The following NYNRIN variants were observed in gnomAD, a reference collection of about 807,000 sequenced individuals.
The protein encoded by NYNRIN is NYN domain and retroviral integrase containing, also known as protein NYNRIN.
In NYNRIN, 86 loss-of-function variants were observed where a neutral mutation model predicts 146.6. The observed-to-expected ratio is 0.59, with a 90% CI of 0.49 to 0.70. The LOEUF (loss-of-function observed/expected upper bound fraction) is 0.70, where lower values mean the gene tolerates loss of function less well. Among genes scored for constraint, NYNRIN ranks in the 30% least tolerant of loss-of-function variants. The probability of loss-of-function intolerance (pLI) is 0.00; values close to 1 mark genes in which losing one functional copy is unlikely to be tolerated. For synonymous variants in NYNRIN, 1,027 were observed against 1,001.3 expected (o/e 1.03, Z -0.48); for missense variants, 2,191 against 2,377.7 (o/e 0.92, Z 1.63).
chr14:24,416,981 G>T lies in NYNRIN; in HGVS notation c.5232G>T (p.Leu1744=). 6.3e-7 allele frequency: 1 copy of T among 1,584,728 alleles called. No individual in the cohort carries two copies. The highest frequency in any genetic ancestry group is 8.6e-7 in the Non-Finnish European group (1 of 1,163,868). Residue 1744 remains leucine (L), a synonymous_variant, in exon 9 of 9, where the codon CTG becomes CTT. Coordinates refer to ENST00000382554, the MANE Select transcript of NYNRIN (RefSeq NM_025081.3). ...GKKWAASLPL[L]HLAFRASSTD... is the part of the protein sequence containing the mutation. ...AGTGGGCGGCCTCCCTGCCTTTGCT[G>T]CACCTGGCCTTCAGGGCCTCCTCCA...
chr14:24,416,535 G>C lies in NYNRIN; in HGVS notation c.4786G>C (p.Gly1596Arg). ...GTTCTGCATCCCCCGAAATCTCATAGGCAGCGAGTTGAAGGTTATTGAGTC... is the reference window on the plus strand; with the variant it reads ...GTTCTGCATCCCCCGAAATCTCATACGCAGCGAGTTGAAGGTTATTGAGTC... ...CLFCIPRNLIGSELKVIESPW... is the reference protein window; with the variant it reads ...CLFCIPRNLIRSELKVIESPW... Residue 1596 changes from glycine (G) to arginine (R), a missense_variant, in exon 9 of 9, where the codon GGC (glycine) becomes CGC (arginine). Gly to Arg is a moderately radical substitution (Grantham distance 125, BLOSUM62 -2). Transcript: ENST00000382554. The C allele has an allele frequency of 6.2e-7, 1 of 1,613,956 alleles. No individual in the cohort carries two copies. The highest frequency in any genetic ancestry group is 8.5e-7 in the Non-Finnish European group (1 of 1,179,892).
In NYNRIN at chr14:24,413,391, G is replaced by C; in HGVS notation, c.2820G>C (p.Leu940Phe). The C allele has an allele frequency of 6.2e-7, 1 of 1,612,800 alleles. No individual in the cohort carries two copies. The highest frequency in any genetic ancestry group is 8.5e-7 in the Non-Finnish European group (1 of 1,179,382). ...CCCTGGGCCGTGATGGCCCCACCTT[G>C]GATGAGTTTCTGAAGAAGCCAAACA... ...DDPLGRDGPTLDEFLKKPNRL... is the reference protein window; with the variant it reads ...DDPLGRDGPTFDEFLKKPNRL... The change falls in exon 8 of 9, where the codon TTG becomes TTC. Residue 940 changes from leucine (L) to phenylalanine (F), a missense_variant. By Grantham distance (22) the Leu-to-Phe change is conservative (BLOSUM62 0). Coordinates refer to ENST00000382554, the MANE Select transcript of NYNRIN (RefSeq NM_025081.3).
Position 24,415,401 on chromosome 14 carries a change from C to T in NYNRIN, c.3652C>T (p.His1218Tyr), listed in dbSNP as rs1047918223. 6.2e-7 allele frequency: 1 copy of T among 1,614,004 alleles called. No individual in the cohort carries two copies. The highest frequency in any genetic ancestry group is 8.5e-7 in the Non-Finnish European group (1 of 1,179,882). Residue 1218 changes from histidine (H) to tyrosine (Y), a missense_variant, in exon 9 of 9, where the codon CAT (histidine) becomes TAT (tyrosine). Physicochemically the swap from His to Tyr is moderately conservative, Grantham distance 83 (BLOSUM62 2). This residue lies in a region of NYNRIN where 1,291 missense variants were observed against 1,417.0 expected (regional missense o/e 0.91). Coordinates refer to ENST00000382554, the MANE Select transcript of NYNRIN (RefSeq NM_025081.3). ...SPYAVAWALK[H>Y]FSRCIGDTPV... is the part of the protein sequence containing the mutation. ...CTATGCTGTGGCCTGGGCCCTCAAGCATTTTTCCCGCTGCATTGGAGACAC... is the reference window on the plus strand; with the variant it reads ...CTATGCTGTGGCCTGGGCCCTCAAGTATTTTTCCCGCTGCATTGGAGACAC...
In NYNRIN at chr14:24,409,052, G is replaced by A. The variant is rs200184423; in HGVS notation, c.1258G>A (p.Glu420Lys). The A allele has an allele frequency of 5.5e-4, 883 of 1,613,488 alleles. No individual in the cohort carries two copies. The highest frequency in any genetic ancestry group is 7.2e-4 in the Non-Finnish European group (846 of 1,179,698). Residue 420 changes from glutamate (E) to lysine (K), a missense_variant, in exon 4 of 9, where the codon GAG (glutamate) becomes AAG (lysine). By Grantham distance (56) the Glu-to-Lys change is moderately conservative. Transcript: ENST00000382554. The stretch of plus-strand genomic sequence containing the variant: ...CTTAAATCTGGAGTGGAAGCAGAAG[G>A]AGCTGGCTCCTCTGCCTAGTGCAGA... The part of the protein sequence containing the change: ...LPLNLEWKQK[E>K]LAPLPSAESP...
In NYNRIN at chr14:24,415,234, T is replaced by C; in HGVS notation, c.3485T>C (p.Leu1162Pro). The change falls in exon 9 of 9, where the codon CTG becomes CCG. Residue 1162 changes from leucine to proline, a missense_variant. By Grantham distance (98) the Leu-to-Pro change is moderately conservative. Around this residue, in one of 3 missense-constraint regions of NYNRIN, gnomAD observed 1,291 missense variants for 1,417.0 expected, o/e 0.91. Coordinates refer to ENST00000382554, the MANE Select transcript of NYNRIN (RefSeq NM_025081.3). Reference sequence around the variant, plus strand: ...CCCAACTCCCAGCTGCCCTTCCGCCTGGAGGTGACCGTGAGCCACGTGGCC... The same window carrying C: ...CCCAACTCCCAGCTGCCCTTCCGCCCGGAGGTGACCGTGAGCCACGTGGCC... The part of the protein sequence containing the change: ...MAPNSQLPFR[L>P]EVTVSHVALT... The C allele has an allele frequency of 6.2e-7, 1 of 1,613,374 alleles. No homozygotes were observed. Among genetic ancestry groups the C allele is most frequent in the Non-Finnish European group, 8.5e-7 (1 of 1,179,850 alleles).
intron 2 of NYNRIN, among the ~76,000 whole-genome samples, chr14:24,399,927 G>C (rs969778075): frequency 1.3e-5 from 2 of 152,150 alleles, no homozygotes; most frequent in African/African-American, 4.8e-5. Context: ...CTGAGTACTA[G>C]GACTGGAGGG....
chr14:24,399,506 C>T, intron 2 of NYNRIN, 62 bp downstream of exon 2: 1 of 1,405,020 alleles, frequency 7.1e-7, no homozygotes, highest in East Asian at 2.5e-5. Flanking sequence ...TCCCCTTCCC[C>T]TGGGGAGATG....
chr14:24,413,097 C>T lies in NYNRIN; in HGVS notation c.2743C>T (p.Arg915Cys), dbSNP rs775268808. 14 of 1,576,888 alleles carry T rather than the reference C, an allele frequency of 8.9e-6. No homozygotes were observed. Among genetic ancestry groups the T allele is most frequent in the East Asian group, 2.3e-5 (1 of 43,618 alleles). ...NSSKKLMVKD[R>C]LLPFTFAGNL... ...TTCCAAGAAACTGATGGTCAAAGATCGGTAAGATGGTCCCCAGAGGCTTGA... is the reference window on the plus strand; with the variant it reads ...TTCCAAGAAACTGATGGTCAAAGATTGGTAAGATGGTCCCCAGAGGCTTGA... Residue 915 changes from arginine (R) to cysteine (C), a missense_variant and splice_region_variant, in exon 7 of 9, where the codon CGC (arginine) becomes TGC (cysteine). Around this residue, in one of 3 missense-constraint regions of NYNRIN, gnomAD observed 1,291 missense variants for 1,417.0 expected, o/e 0.91. Transcript: ENST00000382554.
In NYNRIN at chr14:24,415,171, T is replaced by C; in HGVS notation, c.3422T>C (p.Leu1141Pro). 6.2e-7 allele frequency: 1 copy of C among 1,607,636 alleles called. No homozygotes were observed. The highest frequency in any genetic ancestry group is 1.1e-5 in the South Asian group (1 of 91,074). The part of the protein sequence containing the change: ...DQEHEEAFLA[L>P]KRALVSALCL... The stretch of plus-strand genomic sequence containing the variant: ...GAGCATGAGGAGGCCTTCCTGGCCC[T>C]GAAGCGAGCCCTGGTGTCTGCCCTC... Residue 1141 changes from leucine (L) to proline (P), a missense_variant, in exon 9 of 9, where the codon CTG becomes CCG. Physicochemically the swap from Leu to Pro is moderately conservative, Grantham distance 98. This residue lies in a region of NYNRIN where 1,291 missense variants were observed against 1,417.0 expected (regional missense o/e 0.91). Transcript: ENST00000382554.
In NYNRIN at chr14:24,417,409, G is replaced by A; in HGVS notation, c.5660G>A (p.Ser1887Asn). 1 of 1,542,472 alleles carries A rather than the reference G, an allele frequency of 6.5e-7. No individual in the cohort carries two copies. Among genetic ancestry groups the A allele is most frequent in the Middle Eastern group, 1.8e-4 (1 of 5,418 alleles). ...PSSLMKAFAK[S>N]GTPLSFKVLE... ...AGTCTGATGAAGGCCTTTGCCAAGA[G>A]TGGCACCCCGCTGTCCTTCAAGGTC... Residue 1887 changes from serine (S) to asparagine (N), a missense_variant, in exon 9 of 9, where the codon AGT becomes AAT. Around this residue, in one of 3 missense-constraint regions of NYNRIN, gnomAD observed 1,291 missense variants for 1,417.0 expected, o/e 0.91. Coordinates refer to ENST00000382554, the MANE Select transcript of NYNRIN (RefSeq NM_025081.3).
rs140818379 is a variant in NYNRIN at position 24,414,788 on chromosome 14, G to A, written c.3039G>A (p.Ala1013=). ...GACAGGGGCAGGGCACACAGAAGGC[G>A]GCTGAGGAGGACGACCTTGACTCTT... is the stretch of plus-strand genomic sequence containing the variant. ...EQRQGQGTQK[A]AEEDDLDSSL... is the part of the protein sequence containing the mutation. Residue 1013 remains alanine (A), a synonymous_variant, in exon 9 of 9, where the codon GCG becomes GCA. Transcript: ENST00000382554. 6.5e-4 allele frequency: 1,049 copies of A among 1,613,854 alleles called. 3 individuals are homozygous for A. The highest frequency in any genetic ancestry group is 6.3e-3 in the African/African-American group (472 of 75,028).
At position 24,416,004 on chromosome 14, in the gene NYNRIN, T is replaced by C. The variant is rs1594743504; in HGVS notation, c.4255T>C (p.Ser1419Pro). The change falls in exon 9 of 9, where the codon TCT (serine) becomes CCT (proline). Residue 1419 changes from serine (S) to proline (P), a missense_variant. Ser to Pro is a moderately conservative substitution (Grantham distance 74). This residue lies in a region of NYNRIN where 1,291 missense variants were observed against 1,417.0 expected (regional missense o/e 0.91). Coordinates refer to ENST00000382554, the MANE Select transcript of NYNRIN (RefSeq NM_025081.3). ...GCTCTCCTACATTATATCCCTCACC[T>C]CTGGCCTCTCATCCCTTCCGTTTAT... is the stretch of plus-strand genomic sequence containing the variant. ...SLLSYIISLT[S>P]GLSSLPFIYR... The C allele has an allele frequency of 6.2e-7, 1 of 1,613,978 alleles. No individual in the cohort carries two copies. Among genetic ancestry groups the C allele is most frequent in the Non-Finnish European group, 8.5e-7 (1 of 1,179,880 alleles).
At chr14:24,402,664 C>A (rs2042851985) in intron 2 of NYNRIN, among the ~76,000 whole-genome samples, 1 of 152,112 alleles carries the variant, frequency 6.6e-6, no homozygotes, top group South Asian at 2.1e-4. Flanking sequence ...GTATTTACAG[C>A]CATGGTGGGA....
Position 24,409,099 on chromosome 14 carries a change from TG to T in NYNRIN, c.1311del (p.Leu438TrpfsTer31), listed in dbSNP as rs1427934210. 3 of 1,613,598 alleles carry T rather than the reference TG, an allele frequency of 1.9e-6. No individual in the cohort carries two copies. The highest frequency in any genetic ancestry group is 1.3e-5 in the African/African-American group (1 of 74,920). ...CAGAAAGCCCAGCTGGTAGACCAGA[TG>T]GGGGGCTGGGAGGAGAAGCAGCCCT... is the stretch of plus-strand genomic sequence containing the variant. ...SAESPAGRPD[G>X]GLGGEAALQN... On this transcript the variant is annotated frameshift_variant, in exon 4 of 9. Transcript: ENST00000382554. LOFTEE classifies it high-confidence loss of function.
intron 8 of NYNRIN, 65 bp downstream of exon 8, chr14:24,413,482 T>G: frequency 9.4e-7 from 1 of 1,067,418 alleles, no homozygotes; most frequent in Non-Finnish European, 1.4e-6. Context: ...TTCCCCTTAG[T>G]GTTGGCCAAC....
rs777739171 is a variant in NYNRIN, at chr14:24,407,922, A to G, written c.252A>G (p.Pro84=). 3.9e-5 allele frequency: 63 copies of G among 1,613,632 alleles called. No homozygotes were observed. The highest frequency in any genetic ancestry group is 5.0e-5 in the Non-Finnish European group (59 of 1,179,784). ...AGCTGTGGAAAGAGGTTCGCTACCC[A>G]CCGATCCTGCACTGTGCCTTCCTTG... ...SPELWKEVRY[P]PILHCAFLGA... Residue 84 remains proline, a synonymous_variant, in exon 3 of 9, where the codon CCA becomes CCG. Transcript: ENST00000382554.
Position 24,416,850 on chromosome 14 carries a change from G to T in NYNRIN, c.5101G>T (p.Val1701Leu), listed in dbSNP as rs771697081. 193 of 1,608,998 alleles carry T rather than the reference G, an allele frequency of 1.2e-4. No homozygotes were observed. The highest frequency in any genetic ancestry group is 1.6e-4 in the Non-Finnish European group (192 of 1,177,030). Residue 1701 changes from valine to leucine, a missense_variant, in exon 9 of 9, where the codon GTG (valine) becomes TTG (leucine). Val to Leu is a conservative substitution (Grantham distance 32). Around this residue, in one of 3 missense-constraint regions of NYNRIN, gnomAD observed 1,291 missense variants for 1,417.0 expected, o/e 0.91. Coordinates refer to ENST00000382554, the MANE Select transcript of NYNRIN (RefSeq NM_025081.3). ...CTGTGGGCTGGCCCTGGGAGCCCAG[G>T]TGGCCTCCCTGAGTCGGGACCTCCA... The part of the protein sequence containing the change: ...VSCGLALGAQ[V>L]ASLSRDLQFP...
Position 24,399,430 on chromosome 14 carries a change from A to G in NYNRIN, c.184A>G (p.Met62Val), listed in dbSNP as rs764449880. Residue 62 changes from methionine (M) to valine (V), a missense_variant, in exon 2 of 9, where the codon ATG becomes GTG. This residue lies in a region of NYNRIN where 895 missense variants were observed against 941.2 expected (regional missense o/e 0.95). Coordinates refer to ENST00000382554, the MANE Select transcript of NYNRIN (RefSeq NM_025081.3). The part of the protein sequence containing the change: ...WLQLEGPREN[M>V]GKAKEYLKGL... ...ACAGCTCGAGGGGCCCCGAGAGAAC[A>G]TGGGCAAAGCCAAGGTAAACAGCTT... 2 of 1,612,146 alleles carry G rather than the reference A, an allele frequency of 1.2e-6. No individual in the cohort carries two copies. Among genetic ancestry groups the G allele is most frequent in the African/African-American group, 1.3e-5 (1 of 74,974 alleles).
intron 2 of NYNRIN, among the ~76,000 whole-genome samples, chr14:24,406,023 A>T (rs2042873221): frequency 6.6e-6 from 1 of 151,626 alleles, no homozygotes; most frequent in Admixed American, 6.6e-5. Flanking sequence ...TTAGCCGGGC[A>T]TGGTGGTGCA....
Sources: gnomAD v4.1 joint callset for allele counts (sites outside exome capture counted in the v4.1 genomes callset) on GRCh38, gnomAD v4.1.1 for gene constraint, gnomAD v4.1.1 regional missense constraint, MANE v1.5 for transcripts, NCBI Gene and HGNC (gene_info 2026-07-23, HGNC 2026-07-21) for gene names.